The following RMND1 variants were observed in gnomAD, a reference collection of about 807,000 sequenced individuals.
RMND1 encodes required for meiotic nuclear division protein 1 homolog.
In RMND1, 41 loss-of-function variants were observed where a neutral mutation model predicts 54.0. That is an observed-to-expected ratio of 0.76 (90% CI 0.59 to 0.98). The LOEUF (loss-of-function observed/expected upper bound fraction) is 0.98. Ranked by LOEUF, RMND1 falls within the 50% of genes least tolerant of loss-of-function variation. The pLI is 0.00. For missense variants in RMND1, 457 were observed against 532.0 expected (o/e 0.86, Z 1.39); for synonymous variants, 183 against 181.7 (o/e 1.01, Z -0.06).
chr6:151,430,101 T>C (rs1451225603), intron 5 of RMND1, 37 bp downstream of exon 5: 1 of 1,415,690 alleles, frequency 7.1e-7, no homozygotes, highest in Non-Finnish European at 9.9e-7. Flanking sequence ...CTCACAAAAC[T>C]AAATTTTTAT....
At chr6:151,429,650 T>C (rs1272009538) in intron 5 of RMND1, among the ~76,000 whole-genome samples, 1 of 152,186 alleles carries the variant, frequency 6.6e-6, no homozygotes, top group African/African-American at 2.4e-5. Context: ...ATTATTTCCT[T>C]TGGATAAATT....
chr6:151,416,266 C>T (rs1442684913), intron 10 of RMND1, among the ~76,000 whole-genome samples: 1 of 151,988 alleles, frequency 6.6e-6, no homozygotes, highest in African/African-American at 2.4e-5. Context: ...AGGCATGAGC[C>T]ACCGCACCTG....
In RMND1 at chr6:151,414,680, G is replaced by A. The variant is rs535801712; in HGVS notation, c.1200+2599C>T. Among the ~76,000 whole-genome samples, 9 of 152,242 alleles carry A rather than the reference G, an allele frequency of 5.9e-5. No individual in the cohort carries two copies. The South Asian group carries it at 8.3e-4, about 14-fold the overall frequency. ...TAAACTCAATGTTGGGCAGCAGAAC[G>A]AATGTAACAGAGGAAGGAATCAATC... On this transcript the variant is annotated intron_variant, in intron 10 of 11. Coordinates refer to ENST00000444024, the MANE Select transcript of RMND1 (RefSeq NM_017909.4).
At chr6:151,406,916 T>C (rs2114910648) in intron 10 of RMND1, among the ~76,000 whole-genome samples, 1 of 152,142 alleles carries the variant, frequency 6.6e-6, no homozygotes, top group African/African-American at 2.4e-5. Context: ...TCCTAGCATT[T>C]TGGGAGGCTG....
In RMND1 at chr6:151,442,329, G is replaced by T. The variant is rs1212222835; in HGVS notation, c.504+2979C>A. 3.3e-5 allele frequency among the ~76,000 whole-genome samples: 5 copies of T among 152,058 alleles called. No homozygotes were observed. In the East Asian group the frequency reaches 7.7e-4, roughly 23 times the overall value. On this transcript the variant is annotated intron_variant, in intron 2 of 11. Transcript: ENST00000444024. ...ACAAACCAGTATTTACGTTTATCAT[G>T]AGCAATGTATTCTGTTATTTTCTAT... is the stretch of plus-strand genomic sequence containing the variant.
At position 151,449,980 on chromosome 6, in the gene RMND1, G is replaced by A. The variant is rs190158813; in HGVS notation, c.-15+2036C>T. ...ATGGTGCACAGGCTGGAGTGCAGTGGCGTGATCGAGGCTCGCTACAACCTC... is the reference window on the plus strand; with the variant it reads ...ATGGTGCACAGGCTGGAGTGCAGTGACGTGATCGAGGCTCGCTACAACCTC... On this transcript the variant is annotated intron_variant, in intron 1 of 11. Transcript: ENST00000444024. 3.4e-3 allele frequency among the ~76,000 whole-genome samples: 521 copies of A among 152,288 alleles called. 3 individuals carry two copies. Among genetic ancestry groups the A allele is most frequent in the African/African-American group, 0.011 (471 of 41,576 alleles).
intron 9 of RMND1, among the ~76,000 whole-genome samples, chr6:151,419,363 C>T (rs1289486040): frequency 1.3e-5 from 2 of 151,986 alleles, no homozygotes; most frequent in Non-Finnish European, 2.9e-5. Context: ...CCGTGCCTGG[C>T]CTTACACTTA....
At chr6:151,406,419 A>G (rs911278586) in intron 10 of RMND1, among the ~76,000 whole-genome samples, 4 of 151,934 alleles carry the variant, frequency 2.6e-5, no homozygotes, top group Non-Finnish European at 4.4e-5. Context: ...CCGGAGTGTA[A>G]TGGCGGATCT....
chr6:151,414,025 A>T (rs1582944575), intron 10 of RMND1: 1 of 152,310 alleles, frequency 6.6e-6, no homozygotes, highest in Non-Finnish European at 1.5e-5. Context: ...GGAACATAGC[A>T]TTCAATAAGC....
At position 151,427,479 on chromosome 6, in the gene RMND1, T is replaced by C. The variant is rs772128189; in HGVS notation, c.830+3A>G. On this transcript the variant is annotated splice_donor_region_variant and intron_variant, in intron 6 of 11. Coordinates refer to ENST00000444024, the MANE Select transcript of RMND1 (RefSeq NM_017909.4). ...TTCATAAATTTGATGAAAAGTTGCT[T>C]ACTCTATTTTTATGTAGTTAAGTTC... 1.8e-5 allele frequency: 28 copies of C among 1,564,184 alleles called. No homozygotes were observed. Among genetic ancestry groups the C allele is most frequent in the Non-Finnish European group, 2.3e-5 (26 of 1,135,612 alleles).
chr6:151,424,809 A>G (rs948831917), intron 6 of RMND1, among the ~76,000 whole-genome samples: 8 of 152,154 alleles, frequency 5.3e-5, no homozygotes, highest in East Asian at 3.9e-4. Context: ...AAATGGAAAA[A>G]AGACAGGGTA....
intron 10 of RMND1, among the ~76,000 whole-genome samples, chr6:151,406,355 T>TG (rs1453046171): frequency 3.0e-5 from 2 of 66,520 alleles, no homozygotes; most frequent in African/African-American, 2.4e-4. Flanking sequence ...TGACAACTTT[T>TG]TTTTTTGTTG....
rs550267809 is a variant in RMND1, at chr6:151,433,166, T to C, written c.678A>G (p.Ile226Met). The C allele has an allele frequency of 3.1e-6, 5 of 1,609,828 alleles. No homozygotes were observed. In the East Asian group the frequency reaches 8.9e-5, roughly 29 times the overall value. ...NSAKEGDPGT[I>M]FFFREGAAVF... The stretch of plus-strand genomic sequence containing the variant: ...CTTTCCTGTCTTACCTGAAGAAGAA[T>C]ATTGTTCCAGGATCACCTTCTTTTG... Residue 226 changes from isoleucine (I) to methionine (M), a missense_variant, in exon 4 of 12, where the codon ATA becomes ATG. Transcript: ENST00000444024.
rs1198156195 is a variant in RMND1 at position 151,443,599 on chromosome 6, C to T, written c.504+1709G>A. ...TGTTGGGATTACAGCTGTGAGCCAC[C>T]GCCCAGCCAGAAACATCTGATTTTC... On this transcript the variant is annotated intron_variant, in intron 2 of 11. Transcript: ENST00000444024. 7.2e-5 allele frequency among the ~76,000 whole-genome samples: 11 copies of T among 152,278 alleles called. 1 individual carries two copies. The South Asian group carries it at 1.2e-3, about 17-fold the overall frequency.
chr6:151,405,939 T>C, intron 10 of RMND1, 103 bp from the exon 11 acceptor site: 1 of 566,462 alleles, frequency 1.8e-6, no homozygotes, highest in Admixed American at 2.9e-5. Context: ...TCCTCAGTCC[T>C]CTCCCCAAAG....
chr6:151,422,367 A>G (rs1009337591), intron 8 of RMND1, among the ~76,000 whole-genome samples, 174 bp downstream of exon 8: 2 of 152,224 alleles, frequency 1.3e-5, no homozygotes, highest in African/African-American at 2.4e-5. Context: ...ATATGCAAAT[A>G]TATACCATTT....
At chr6:151,405,667 T>C in intron 11 of RMND1, 53 bp downstream of exon 11, 1 of 877,270 alleles carries the variant, frequency 1.1e-6, no homozygotes, top group Non-Finnish European at 1.9e-6. Context: ...GCATAGCCCC[T>C]GTATTTGTGA....
chr6:151,432,503 C>T (rs755457342), intron 4 of RMND1, among the ~76,000 whole-genome samples: 29 of 149,678 alleles, frequency 1.9e-4, no homozygotes, highest in African/African-American at 7.3e-4. Context: ...TGTTCTGTCA[C>T]GTATTAGTCT....
intron 11 of RMND1, 32 bp downstream of exon 11, chr6:151,405,688 A>G (rs1245600631): frequency 9.5e-7 from 1 of 1,058,160 alleles, no homozygotes; most frequent in Admixed American, 1.8e-5. Flanking sequence ...AAAGATGGTA[A>G]CTGATCATAG....
Sources: allele counts gnomAD v4.1 joint callset (sites outside exome capture counted in the v4.1 genomes callset), GRCh38; gene constraint gnomAD v4.1.1; transcripts MANE v1.5; gene names NCBI Gene and HGNC (gene_info 2026-07-23, HGNC 2026-07-21).